The following UNC5CL variants were observed in gnomAD, a reference collection of about 807,000 sequenced individuals.
UNC5CL encodes UNC5C-like protein.
A neutral mutation model predicts 54.1 loss-of-function variants in UNC5CL; 42 were observed. The observed-to-expected ratio is 0.78, with a 90% confidence interval of 0.61 to 1.00. The LOEUF is 1.00. Among genes scored for constraint, UNC5CL ranks in the 50% least tolerant of loss-of-function variants. The probability of loss-of-function intolerance (pLI) is 0.00; values close to 1 mark genes in which losing one functional copy is unlikely to be tolerated. For missense variants in UNC5CL, 619 were observed against 675.6 expected (o/e 0.92, Z 0.93); for synonymous variants, 285 against 285.1 (o/e 1.00, Z 0.00).
chr6:41,028,505 C>T lies in UNC5CL; in HGVS notation c.1425G>A (p.Met475Ile). The T allele has an allele frequency of 6.2e-7, 1 of 1,613,878 alleles. No individual in the cohort carries two copies. Among genetic ancestry groups the T allele is most frequent in the Non-Finnish European group, 8.5e-7 (1 of 1,180,008 alleles). Residue 475 changes from methionine (M) to isoleucine (I), a missense_variant, in exon 9 of 9, where the codon ATG becomes ATA. Physicochemically the swap from Met to Ile is conservative, Grantham distance 10. Transcript: ENST00000244565. This position sits in a 1 kb window ranked among gnomAD's most constrained non-coding sequence, Gnocchi z 4.3. The stretch of plus-strand genomic sequence containing the variant: ...CGCAGTCTAGCCGCTCCATGACGGT[C>T]ATGAGGTAGTGCAGCTCCTGCAGGC... Reference protein sequence around the residue: ...NGSLQELHYLMTVMERLDCAS... With the variant: ...NGSLQELHYLITVMERLDCAS...
In UNC5CL at chr6:41,028,574, G is replaced by A; in HGVS notation, c.1356C>T (p.Ser452=). ...ACAACTCCAGGATGGCCGCTGCGGG[G>A]CTGCGCTGGCAGGACAGGAACCTGG... ...MKIRFLSCQR[S]PAAAILELFE... Residue 452 remains serine (S), a synonymous_variant, in exon 9 of 9, where the codon AGC becomes AGT. Transcript: ENST00000244565. The surrounding 1 kb of genome is among the most constrained non-coding windows in gnomAD (Gnocchi z 4.3). 1 of 1,613,536 alleles carries A rather than the reference G, an allele frequency of 6.2e-7. No homozygotes were observed. The highest frequency in any genetic ancestry group is 2.2e-5 in the East Asian group (1 of 44,868).
intron 3 of UNC5CL, 78 bp downstream of exon 3, chr6:41,033,803 G>A: frequency 6.8e-7 from 1 of 1,480,932 alleles, no homozygotes; most frequent in Non-Finnish European, 9.2e-7. Flanking sequence ...TGAAGATAAG[G>A]CAGACAGAGA....
At chr6:41,038,621 G>C (rs772821392) in intron 1 of UNC5CL, among the ~76,000 whole-genome samples, 1 of 152,130 alleles carries the variant, frequency 6.6e-6, no homozygotes, top group Non-Finnish European at 1.5e-5. Flanking sequence ...GTGACTTGGG[G>C]CATCCCAACC....
In UNC5CL at chr6:41,029,049, C is replaced by T. The variant is rs552615709; in HGVS notation, c.1335-454G>A. 6.6e-6 allele frequency among the ~76,000 whole-genome samples: 1 copy of T among 152,008 alleles called. No homozygotes were observed. Among genetic ancestry groups the T allele is most frequent in the East Asian group, 1.9e-4 (1 of 5,158 alleles). ...TGCTGTAAACCATGGCTTTTTATCA[C>T]GACTCTCCCGTCCACTAAAACCTTC... On this transcript the variant is annotated intron_variant, in intron 8 of 8. Coordinates refer to ENST00000244565, the MANE Select transcript of UNC5CL (RefSeq NM_173561.3). The surrounding 1 kb of genome is among the most constrained non-coding windows in gnomAD (Gnocchi z 4.1).
At position 41,028,602 on chromosome 6, in the gene UNC5CL, C is replaced by G. The variant is rs754943665; in HGVS notation, c.1335-7G>C. ...GCGCTGGCAGGACAGGAACCTGGCC[C>G]GAGGTAGGGGAGGAAGAGAAGGGTG... is the stretch of plus-strand genomic sequence containing the variant. On this transcript the variant is annotated splice_region_variant and splice_polypyrimidine_tract_variant and intron_variant, in intron 8 of 8. Coordinates refer to ENST00000244565, the MANE Select transcript of UNC5CL (RefSeq NM_173561.3). The surrounding 1 kb of genome is among the most constrained non-coding windows in gnomAD (Gnocchi z 4.3). 2 of 1,611,756 alleles carry G rather than the reference C, an allele frequency of 1.2e-6. No homozygotes were observed. The highest frequency in any genetic ancestry group is 1.7e-5 in the Admixed American group (1 of 59,974).
intron 1 of UNC5CL, among the ~76,000 whole-genome samples, 171 bp from the exon 2 acceptor site, chr6:41,035,306 C>T (rs548264606): frequency 7.2e-5 from 11 of 152,324 alleles, no homozygotes; most frequent in Non-Finnish European, 1.0e-4. Context: ...CCTGGCTCCC[C>T]GTGACCTAAT....
At chr6:41,032,228 A>C in intron 4 of UNC5CL, 91 bp from the exon 5 acceptor site, 2 of 1,050,072 alleles carry the variant, frequency 1.9e-6, no homozygotes, top group South Asian at 1.4e-5. Context: ...GGACAGAACA[A>C]AGGCAGGAGG....
intron 3 of UNC5CL, chr6:41,033,550 G>A: frequency 2.0e-6 from 1 of 507,566 alleles, no homozygotes; most frequent in Non-Finnish European, 3.5e-6. Context: ...GGACAGTCCT[G>A]AAAGGGGCAC....
At position 41,030,645 on chromosome 6, in the gene UNC5CL, C is replaced by A. The variant is rs1356526212; in HGVS notation, c.1220+10G>T. 1 of 1,613,876 alleles carries A rather than the reference C, an allele frequency of 6.2e-7. No homozygotes were observed. Among genetic ancestry groups the A allele is most frequent in the African/African-American group, 1.3e-5 (1 of 74,904 alleles). ...CCCCCAGGCAGCAGCCCAAGCAACC[C>A]CCGTCTCACCTATTGCATGGGGGCG... On this transcript the variant is annotated intron_variant, in intron 7 of 8. Transcript: ENST00000244565.
chr6:41,038,020 A>G (rs1400354534), intron 1 of UNC5CL, among the ~76,000 whole-genome samples: 1 of 152,182 alleles, frequency 6.6e-6, no homozygotes. Context: ...TTCTCCCCAC[A>G]GTGAAGATGG....
intron 1 of UNC5CL, among the ~76,000 whole-genome samples, chr6:41,036,071 G>T (rs1031355668): frequency 1.3e-5 from 2 of 152,180 alleles, no homozygotes; most frequent in African/African-American, 4.8e-5. Flanking sequence ...GAAATGTAAA[G>T]GTATAGAGAA....
chr6:41,038,390 G>A (rs1378012054), intron 1 of UNC5CL, among the ~76,000 whole-genome samples: 3 of 152,040 alleles, frequency 2.0e-5, no homozygotes, highest in Admixed American at 2.0e-4. Flanking sequence ...CAGATCCCCA[G>A]TGAGGTGCAC....
intron 1 of UNC5CL, 36 bp downstream of exon 1, chr6:41,039,126 C>T (rs991462118): frequency 1.3e-5 from 2 of 152,458 alleles, no homozygotes; most frequent in Non-Finnish European, 2.9e-5. Context: ...AATGCCCATC[C>T]CCTCTCCAGC....
At chr6:41,033,632 T>G (rs1762482436) in intron 3 of UNC5CL, 1 of 571,008 alleles carries the variant, frequency 1.8e-6, no homozygotes. Flanking sequence ...GGAGAGATGG[T>G]GCTGAGTCAG....
chr6:41,031,650 G>A (rs1315824820), intron 6 of UNC5CL, 31 bp downstream of exon 6: 3 of 1,611,748 alleles, frequency 1.9e-6, no homozygotes, highest in Non-Finnish European at 2.5e-6. Context: ...CCCAGGCCCT[G>A]CCCTTCCTCT....
chr6:41,030,370 C>T lies in UNC5CL; in HGVS notation c.1334+18G>A, dbSNP rs1762438333. 2 of 1,613,096 alleles carry T rather than the reference C, an allele frequency of 1.2e-6. No homozygotes were observed. Among genetic ancestry groups the T allele is most frequent in the Admixed American group, 1.7e-5 (1 of 60,000 alleles). On this transcript the variant is annotated intron_variant, in intron 8 of 8. Transcript: ENST00000244565. ...CCCACCCTCCTCTACCATCCACAGACCTCACCCCTCTTCCTACCGGATCTT... is the reference window on the plus strand; with the variant it reads ...CCCACCCTCCTCTACCATCCACAGATCTCACCCCTCTTCCTACCGGATCTT...
At position 41,029,819 on chromosome 6, in the gene UNC5CL, G is replaced by C. The variant is rs897112583; in HGVS notation, c.1334+569C>G. ...CCATTGCACTCCAGCCTGGGCGACA[G>C]AGCAAGACTCCGTCTCAAATAATGA... is the stretch of plus-strand genomic sequence containing the variant. On this transcript the variant is annotated intron_variant, in intron 8 of 8. Coordinates refer to ENST00000244565, the MANE Select transcript of UNC5CL (RefSeq NM_173561.3). This position sits in a 1 kb window ranked among gnomAD's most constrained non-coding sequence, Gnocchi z 4.1. Among the ~76,000 whole-genome samples the C allele has an allele frequency of 6.6e-6, 1 of 152,152 alleles. No individual in the cohort carries two copies. Among genetic ancestry groups the C allele is most frequent in the Non-Finnish European group, 1.5e-5 (1 of 68,040 alleles).
Position 41,033,029 on chromosome 6 carries a change from G to T in UNC5CL, c.804C>A (p.Tyr268Ter). 6.2e-7 allele frequency: 1 copy of T among 1,610,568 alleles called. No homozygotes were observed. Among genetic ancestry groups the T allele is most frequent in the Non-Finnish European group, 8.5e-7 (1 of 1,178,426 alleles). The part of the protein sequence containing the change: ...PGQSHLQLRI[Y>*]FLNNTPCALQ... ...GGGCGCAGGGCGTGTTGTTGAGGAA[G>T]TAGATACGCAGTTGCAGATGGGACT... The change falls in exon 4 of 9, where the codon TAC becomes TAA. Residue 268 changes from tyrosine to a stop codon, truncating the protein, a stop_gained. Coordinates refer to ENST00000244565, the MANE Select transcript of UNC5CL (RefSeq NM_173561.3). LOFTEE classifies it high-confidence loss of function.
At position 41,034,157 on chromosome 6, in the gene UNC5CL, TC is replaced by T; in HGVS notation, c.409del (p.Glu137SerfsTer5). ...PPGAVAVGRQERVSLILVWDL... is the reference protein window; with the variant it reads ...PPGAVAVGRQXRVSLILVWDL... ...CCACACCAGGATCAAAGACACCCGC[TC>T]CTGGCGGCCCACAGCCACAGCACCT... On this transcript the variant is annotated frameshift_variant, in exon 3 of 9. Transcript: ENST00000244565. LOFTEE classifies it high-confidence loss of function. 1 of 1,609,692 alleles carries T rather than the reference TC, an allele frequency of 6.2e-7. No individual in the cohort carries two copies. The highest frequency in any genetic ancestry group is 1.1e-5 in the South Asian group (1 of 90,854).
Sources: allele counts gnomAD v4.1 joint callset (sites outside exome capture counted in the v4.1 genomes callset), GRCh38; gene constraint gnomAD v4.1.1; non-coding constraint Gnocchi (gnomAD v3.1); transcripts MANE v1.5; gene names NCBI Gene and HGNC (gene_info 2026-07-23, HGNC 2026-07-21).